UBR4: variants seen among roughly 807,000 people sequenced by gnomAD.
UBR4 encodes the protein ubiquitin protein ligase E3 component n-recognin 4, also known as E3 ubiquitin-protein ligase UBR4.
A neutral mutation model predicts 575.6 loss-of-function variants in UBR4; 124 were observed. That is an observed-to-expected ratio of 0.22 (90% CI 0.19 to 0.25). The LOEUF is 0.25. Among genes scored for constraint, UBR4 ranks in the 10% least tolerant of loss-of-function variants. The pLI is 1.00. For missense variants in UBR4, 4,818 were observed against 6,478.8 expected, an observed-to-expected ratio of 0.74 and a Z score of 8.80; for synonymous variants, 2,455 against 2,473.7, an observed-to-expected ratio of 0.99 and a Z score of 0.22.
rs777002228 is a variant in UBR4, at chr1:19,183,881, T to C, written c.2114A>G (p.Glu705Gly). 1 of 1,614,148 alleles carries C rather than the reference T, an allele frequency of 6.2e-7. No homozygotes were observed. The highest frequency in any genetic ancestry group is 2.2e-5 in the East Asian group (1 of 44,872). ...GAAGTGATAGAGAGCTGCAGCAAACTCTTCATCTGATGAACCTTAAAGACA... is the reference window on the plus strand; with the variant it reads ...GAAGTGATAGAGAGCTGCAGCAAACCCTTCATCTGATGAACCTTAAAGACA... ...KDGLKGSSDE[E>G]FAAALYHFNH... The change falls in exon 17 of 106, where the codon GAG (glutamate) becomes GGG (glycine). Residue 705 changes from glutamate (E) to glycine (G), a missense_variant. Coordinates refer to ENST00000375254, the MANE Select transcript of UBR4 (RefSeq NM_020765.3).
At chr1:19,135,431 C>T (rs967322958) in intron 60 of UBR4, among the ~76,000 whole-genome samples, 2 of 152,156 alleles carry the variant, frequency 1.3e-5, no homozygotes, top group Non-Finnish European at 2.9e-5. Flanking sequence ...ACACATAACT[C>T]CAGCCAAAAT....
In UBR4 at chr1:19,088,089, C is replaced by G. The variant is rs761616636; in HGVS notation, c.14431-160G>C. Among the ~76,000 whole-genome samples the G allele has an allele frequency of 6.6e-6, 1 of 152,194 alleles. No homozygotes were observed. The highest frequency in any genetic ancestry group is 1.5e-5 in the Non-Finnish European group (1 of 68,028). The stretch of plus-strand genomic sequence containing the variant: ...GCTGTCTTCTAATAAGGATAAAGAC[C>G]CAGGCCCTTCTGCTATTCTCTCTTC... On this transcript the variant is annotated intron_variant, in intron 98 of 105. Coordinates refer to ENST00000375254, the MANE Select transcript of UBR4 (RefSeq NM_020765.3). This position sits in a 1 kb window ranked among gnomAD's most constrained non-coding sequence, Gnocchi z 4.0.
intron 55 of UBR4, among the ~76,000 whole-genome samples, chr1:19,142,193 A>G (rs182361695): frequency 6.6e-6 from 1 of 152,176 alleles, no homozygotes; most frequent in East Asian, 1.9e-4. Flanking sequence ...TTATTTCACT[A>G]TTTTTTTCTA....
At position 19,210,153 on chromosome 1, in the gene UBR4, A is replaced by T; in HGVS notation, c.96T>A (p.Ala32=). ...GADTTPGWEV[A]VRPLLSASYS... ...AGGACGCGGACAGCAGGGGCCGCAC[A>T]GCCACCTCCCAGCCCGGGGTCGTGT... Residue 32 remains alanine, a synonymous_variant, in exon 1 of 106, where the codon GCT becomes GCA. Transcript: ENST00000375254. The T allele has an allele frequency of 6.4e-7, 1 of 1,573,426 alleles. No homozygotes were observed. The highest frequency in any genetic ancestry group is 8.6e-7 in the Non-Finnish European group (1 of 1,163,374).
In UBR4 at chr1:19,093,534, C is replaced by T; in HGVS notation, c.13938-48G>A. 1 of 1,588,688 alleles carries T rather than the reference C, an allele frequency of 6.3e-7. No homozygotes were observed. Among genetic ancestry groups the T allele is most frequent in the Non-Finnish European group, 8.6e-7 (1 of 1,162,280 alleles). On this transcript the variant is annotated intron_variant, in intron 95 of 105. Coordinates refer to ENST00000375254, the MANE Select transcript of UBR4 (RefSeq NM_020765.3). The surrounding 1 kb of genome is among the most constrained non-coding windows in gnomAD (Gnocchi z 4.8). ...GAGGGTGTGAAAGGCGGGACAAAAC[C>T]CAGTCATGTCACCCTCTTGGTTAAC...
At chr1:19,160,600 T>C (rs2087178399) in intron 38 of UBR4, among the ~76,000 whole-genome samples, 1 of 152,318 alleles carries the variant, frequency 6.6e-6, no homozygotes, top group African/African-American at 2.4e-5. Context: ...GTACCATCCA[T>C]GGGAAAATTG....
chr1:19,154,069 A>G, intron 44 of UBR4, 130 bp from the exon 45 acceptor site: 1 of 1,020,748 alleles, frequency 9.8e-7, no homozygotes. Context: ...GACTCAGATT[A>G]TCCACAGGTT....
chr1:19,147,495 A>T (rs1257865884), intron 51 of UBR4, among the ~76,000 whole-genome samples: 3 of 152,142 alleles, frequency 2.0e-5, no homozygotes, highest in African/African-American at 7.2e-5. Context: ...CATCTACAGA[A>T]ATTGGCCCAG....
At chr1:19,154,581 T>C (rs937873623) in intron 44 of UBR4, among the ~76,000 whole-genome samples, 1 of 152,250 alleles carries the variant, frequency 6.6e-6, no homozygotes, top group Non-Finnish European at 1.5e-5. Flanking sequence ...AAGGGCATTA[T>C]GGCAGAATGA....
intron 1 of UBR4, 40 bp downstream of exon 1, chr1:19,210,033 C>T (rs1453608761): frequency 6.6e-7 from 1 of 1,513,876 alleles, no homozygotes; most frequent in Admixed American, 2.1e-5. Context: ...AATCCCCTCC[C>T]CCCACAACAG....
Position 19,155,024 on chromosome 1 carries a change from C to T in UBR4, c.6352G>A (p.Val2118Met), listed in dbSNP as rs1557820632. 3.1e-6 allele frequency: 5 copies of T among 1,614,054 alleles called. No homozygotes were observed. Among genetic ancestry groups the T allele is most frequent in the Admixed American group, 1.7e-5 (1 of 59,998 alleles). ...TAGCTGAAGAACAACATCTGCAACACGTGGGAGTAGTACACGGACACACCA... is the reference window on the plus strand; with the variant it reads ...TAGCTGAAGAACAACATCTGCAACATGTGGGAGTAGTACACGGACACACCA... The part of the protein sequence containing the change: ...GGGVSVYYSH[V>M]LQMLFFSYCQ... The change falls in exon 44 of 106, where the codon GTG becomes ATG. Residue 2118 changes from valine (V) to methionine (M), a missense_variant. Val to Met is a conservative substitution (Grantham distance 21). Transcript: ENST00000375254.
At chr1:19,149,718 G>C in intron 49 of UBR4, 1 of 1,288,200 alleles carries the variant, frequency 7.8e-7, no homozygotes, top group Non-Finnish European at 1.0e-6. Context: ...ACGGCTCTCT[G>C]ACACACACTC....
chr1:19,189,221 C>T (rs1215551306), intron 11 of UBR4, among the ~76,000 whole-genome samples: 1 of 151,810 alleles, frequency 6.6e-6, no homozygotes. Flanking sequence ...CATATAAGCA[C>T]ACAGCTGGTG....
At chr1:19,149,061 T>C (rs1282305215) in intron 49 of UBR4, among the ~76,000 whole-genome samples, 2 of 152,302 alleles carry the variant, frequency 1.3e-5, no homozygotes, top group African/African-American at 4.8e-5. Context: ...AAGCTATATA[T>C]GCACAAAGGC....
At chr1:19,151,379 C>T (rs1051161079) in intron 48 of UBR4, 1 of 551,770 alleles carries the variant, frequency 1.8e-6, no homozygotes, top group East Asian at 3.2e-5. Context: ...AGAAGTAGCC[C>T]CATTAGTGAG....
rs755151810 is a variant in UBR4, at chr1:19,185,069, T to C, written c.1938+30A>G. The C allele has an allele frequency of 5.0e-6, 8 of 1,613,368 alleles. No homozygotes were observed. In the Admixed American group the frequency reaches 8.4e-5, roughly 17 times the overall value. ...CATACCCCTAGCTCCCCATGTCCAC[T>C]TCCCCTAAACCTTAGAAACCTACTC... is the stretch of plus-strand genomic sequence containing the variant. On this transcript the variant is annotated intron_variant, in intron 15 of 105. Coordinates refer to ENST00000375254, the MANE Select transcript of UBR4 (RefSeq NM_020765.3).
intron 11 of UBR4, among the ~76,000 whole-genome samples, chr1:19,188,515 C>G (rs1401317762): frequency 6.6e-6 from 1 of 152,132 alleles, no homozygotes. Context: ...GTTCATACTA[C>G]TGCACTCCAA....
chr1:19,209,564 G>C (rs955127196), intron 1 of UBR4, among the ~76,000 whole-genome samples: 3 of 152,194 alleles, frequency 2.0e-5, no homozygotes, highest in Non-Finnish European at 4.4e-5. Context: ...CGATACAGTA[G>C]GAATGCACAA....
chr1:19,204,506 C>G (rs2092907346), intron 1 of UBR4, among the ~76,000 whole-genome samples: 1 of 150,444 alleles, frequency 6.6e-6, no homozygotes, highest in Middle Eastern at 3.4e-3. Context: ...GCTTTCATAC[C>G]CATTCTGATA....
Sources: allele counts gnomAD v4.1 joint callset (sites outside exome capture counted in the v4.1 genomes callset), GRCh38; gene constraint gnomAD v4.1.1; non-coding constraint Gnocchi (gnomAD v3.1); transcripts MANE v1.5; gene names NCBI Gene and HGNC (gene_info 2026-07-23, HGNC 2026-07-21).